The following APP variants were observed in gnomAD, a reference collection of about 807,000 sequenced individuals.
APP encodes amyloid beta precursor protein.
Under a neutral mutation model 101.4 loss-of-function variants are expected in APP, and 31 were observed. The ratio of observed to expected loss-of-function variants is 0.31; its 90% confidence interval spans 0.23 to 0.41. The LOEUF is 0.41. Among genes scored for constraint, APP ranks in the 10% least tolerant of loss-of-function variants. The pLI is 1.00. For synonymous variants in APP, 366 were observed against 364.4 expected (o/e 1.00, Z -0.05); for missense variants, 839 against 1,003.7 (o/e 0.84, Z 2.22).
intron 17 of APP, among the ~76,000 whole-genome samples, chr21:25,888,271 G>T (rs925378587): frequency 6.6e-6 from 1 of 152,174 alleles, no homozygotes; most frequent in African/African-American, 2.4e-5. Flanking sequence ...TGTTGCAGAA[G>T]CATCACTTCT....
intron 13 of APP, among the ~76,000 whole-genome samples, chr21:25,948,958 T>C (rs1315792169): frequency 2.0e-5 from 3 of 152,180 alleles, no homozygotes; most frequent in African/African-American, 7.2e-5. Flanking sequence ...AAATAATGAT[T>C]CCATCGTTTG....
At chr21:25,989,422 T>G in intron 8 of APP, among the ~76,000 whole-genome samples, 1 of 152,206 alleles carries the variant, frequency 6.6e-6, no homozygotes, top group Non-Finnish European at 1.5e-5. Context: ...ATCATTTTGA[T>G]ATGCATTTGT....
At chr21:26,014,233 T>A (rs1245504896) in intron 6 of APP, among the ~76,000 whole-genome samples, 14 of 152,210 alleles carry the variant, frequency 9.2e-5, no homozygotes. Flanking sequence ...GTTCACAGTT[T>A]ACCCCAAGCT....
At chr21:26,139,638 G>A (rs1016606408) in intron 1 of APP, among the ~76,000 whole-genome samples, 1 of 152,184 alleles carries the variant, frequency 6.6e-6, no homozygotes, top group African/African-American at 2.4e-5. Context: ...GCTCACGCCT[G>A]TATCCCAGCA....
intron 6 of APP, among the ~76,000 whole-genome samples, chr21:26,008,782 G>A (rs1209623534): frequency 6.6e-6 from 1 of 152,172 alleles, no homozygotes; most frequent in East Asian, 1.9e-4. Flanking sequence ...GGAAAGAAAA[G>A]CTCAGTAGGT....
chr21:25,994,120 G>A (rs1265113006), intron 8 of APP, among the ~76,000 whole-genome samples: 1 of 152,012 alleles, frequency 6.6e-6, no homozygotes, highest in African/African-American at 2.4e-5. Context: ...CAGTCTGATG[G>A]AGACAGCACC....
chr21:25,989,826 T>C (rs529193891), intron 8 of APP, among the ~76,000 whole-genome samples: 2 of 152,138 alleles, frequency 1.3e-5, no homozygotes, highest in East Asian at 3.9e-4. Flanking sequence ...ATGAGTGAAA[T>C]ATAAACTTGT....
rs73896825 is a variant in APP at position 26,118,905 on chromosome 21, T to A, written c.58-6759A>T. ...AAGGGAAAAAAAAATGAAAAAAAAA[T>A]ATATATATAGTATTTGAGATCTTTA... On this transcript the variant is annotated intron_variant, in intron 1 of 17. Coordinates refer to ENST00000346798, the MANE Select transcript of APP (RefSeq NM_000484.4). Among the ~76,000 whole-genome samples the A allele has an allele frequency of 4.6e-3, 705 of 151,754 alleles. 4 individuals carry two copies. The highest frequency in any genetic ancestry group is 0.015 in the African/African-American group (619 of 41,350).
intron 1 of APP, among the ~76,000 whole-genome samples, chr21:26,115,848 A>G: frequency 6.6e-6 from 1 of 152,360 alleles, no homozygotes; most frequent in Non-Finnish European, 1.5e-5. Context: ...ATTTTCTAAA[A>G]GAAAAGAAAT....
At chr21:26,098,440 A>G (rs900988573) in intron 2 of APP, among the ~76,000 whole-genome samples, 3 of 152,150 alleles carry the variant, frequency 2.0e-5, no homozygotes, top group African/African-American at 7.2e-5. Context: ...AAGAAGAGAA[A>G]TGTATATATT....
At chr21:25,996,327 C>A (rs919995150) in intron 8 of APP, among the ~76,000 whole-genome samples, 1 of 152,118 alleles carries the variant, frequency 6.6e-6, no homozygotes, top group African/African-American at 2.4e-5. Flanking sequence ...CTAAAAGTGA[C>A]CCTTCATGTC....
At chr21:26,044,353 A>AAATCATC (rs1313836719) in intron 5 of APP, among the ~76,000 whole-genome samples, 1 of 152,172 alleles carries the variant, frequency 6.6e-6, no homozygotes, top group Non-Finnish European at 1.5e-5. Flanking sequence ...ATATAGTCAA[A>AAATCATC]AATCATCTTC....
intron 13 of APP, among the ~76,000 whole-genome samples, chr21:25,915,119 C>T (rs1054218813): frequency 2.6e-5 from 4 of 152,202 alleles, no homozygotes; most frequent in African/African-American, 7.2e-5. Flanking sequence ...GGGCCCACCC[C>T]GTATTTCTAG....
At chr21:25,920,753 A>G (rs977890800) in intron 13 of APP, among the ~76,000 whole-genome samples, 1 of 145,584 alleles carries the variant, frequency 6.9e-6, no homozygotes, top group African/African-American at 2.6e-5. Context: ...CTACAAAGAG[A>G]CTTAGACTCC....
chr21:25,937,272 A>T (rs1018470431), intron 13 of APP, among the ~76,000 whole-genome samples: 8 of 152,192 alleles, frequency 5.3e-5, no homozygotes, highest in African/African-American at 1.9e-4. Context: ...TTAAGAAACA[A>T]GGGAGTTTAA....
intron 3 of APP, among the ~76,000 whole-genome samples, chr21:26,080,927 C>T (rs866679173): frequency 1.1e-4 from 16 of 151,996 alleles, no homozygotes; most frequent in Middle Eastern, 3.4e-3. Context: ...AGGCCTGCAG[C>T]GGACAGTATT....
intron 3 of APP, among the ~76,000 whole-genome samples, chr21:26,087,789 G>A (rs2061732463): frequency 6.6e-6 from 1 of 152,198 alleles, no homozygotes; most frequent in Non-Finnish European, 1.5e-5. Flanking sequence ...GTATTTGGTA[G>A]ATGAGATTAA....
At chr21:26,122,078 G>A (rs1437084510) in intron 1 of APP, among the ~76,000 whole-genome samples, 1 of 152,134 alleles carries the variant, frequency 6.6e-6, no homozygotes, top group Non-Finnish European at 1.5e-5. Flanking sequence ...CTTGGACAAG[G>A]GGAAAAAGAA....
At chr21:26,081,624 G>A (rs1026966540) in intron 3 of APP, among the ~76,000 whole-genome samples, 3 of 152,180 alleles carry the variant, frequency 2.0e-5, no homozygotes, top group East Asian at 1.9e-4. Context: ...CAGGTCACAG[G>A]GGATGGTTTA....
Sources: gnomAD v4.1 joint callset for allele counts (sites outside exome capture counted in the v4.1 genomes callset) on GRCh38, gnomAD v4.1.1 for gene constraint, MANE v1.5 for transcripts, NCBI Gene and HGNC (gene_info 2026-07-23, HGNC 2026-07-21) for gene names.